The following UBR3 variants were observed in gnomAD, a reference collection of about 807,000 sequenced individuals.
The protein encoded by UBR3 is E3 ubiquitin-protein ligase UBR3.
Under a neutral mutation model 243.2 loss-of-function variants are expected in UBR3, and 85 were observed. The observed-to-expected ratio is 0.35, with a 90% CI of 0.29 to 0.42. The LOEUF (loss-of-function observed/expected upper bound fraction) is 0.42, where lower values mean the gene tolerates loss of function less well. Ranked by LOEUF, UBR3 falls within the 10% of genes least tolerant of loss-of-function variation. The pLI is 1.00. For missense variants in UBR3, 1,686 were observed against 2,300.8 expected, an observed-to-expected ratio of 0.73 and a Z score of 5.47; for synonymous variants, 748 against 799.8, an observed-to-expected ratio of 0.94 and a Z score of 1.09.
chr2:169,958,485 C>T lies in UBR3; in HGVS notation c.3593C>T (p.Ala1198Val). Residue 1198 changes from alanine to valine, a missense_variant, in exon 24 of 39, where the codon GCT (alanine) becomes GTT (valine). Ala to Val is a moderately conservative substitution (Grantham distance 64, BLOSUM62 0). This residue lies in a region of UBR3 where 156 missense variants were observed against 246.3 expected (regional missense o/e 0.63). Coordinates refer to ENST00000272793, the MANE Select transcript of UBR3 (RefSeq NM_172070.4). ...ERQQKLLAEF[A>V]SRQKSFMETA... Reference sequence around the variant, plus strand: ...CAGCAGAAATTGCTTGCGGAGTTTGCTTCACGACAGAAAAGCTTTATGGAA... The same window carrying T: ...CAGCAGAAATTGCTTGCGGAGTTTGTTTCACGACAGAAAAGCTTTATGGAA... 6.2e-7 allele frequency: 1 copy of T among 1,613,092 alleles called. No homozygotes were observed. Among genetic ancestry groups the T allele is most frequent in the Non-Finnish European group, 8.5e-7 (1 of 1,179,358 alleles).
At position 170,061,328 on chromosome 2, in the gene UBR3, T is replaced by G; in HGVS notation, c.4904T>G (p.Ile1635Ser). The change falls in exon 35 of 39, where the codon ATT (isoleucine) becomes AGT (serine). Residue 1635 changes from isoleucine to serine, a missense_variant. Transcript: ENST00000272793. ...GTQECAMVNP[I>S]AWSPESMEKC... is the part of the protein sequence containing the mutation. ...CTTTTTTAACTTTAGGTTAACCCTATTGCTTGGTCTCCTGAATCCATGGAA... is the reference window on the plus strand; with the variant it reads ...CTTTTTTAACTTTAGGTTAACCCTAGTGCTTGGTCTCCTGAATCCATGGAA... 1 of 1,614,100 alleles carries G rather than the reference T, an allele frequency of 6.2e-7. No individual in the cohort carries two copies. The highest frequency in any genetic ancestry group is 8.5e-7 in the Non-Finnish European group (1 of 1,179,998).
chr2:169,848,002 C>T, intron 1 of UBR3, among the ~76,000 whole-genome samples: 1 of 152,286 alleles, frequency 6.6e-6, no homozygotes, highest in East Asian at 1.9e-4. Flanking sequence ...CATTGATTTT[C>T]CTAGATGCTT....
intron 8 of UBR3, among the ~76,000 whole-genome samples, chr2:169,904,231 C>T (rs1336158020): frequency 5.3e-5 from 8 of 152,042 alleles, no homozygotes; most frequent in Admixed American, 4.6e-4. Flanking sequence ...AGTTCATATA[C>T]TTTTGATCTA....
chr2:169,844,315 T>C (rs2082395213), intron 1 of UBR3, among the ~76,000 whole-genome samples: 2 of 152,196 alleles, frequency 1.3e-5, no homozygotes, highest in Non-Finnish European at 2.9e-5. Flanking sequence ...TCGATTTCTT[T>C]AGTGACCTGT....
At chr2:169,828,160 C>CG (rs1198682259) in intron 1 of UBR3, 108 bp downstream of exon 1, 1 of 708,882 alleles carries the variant, frequency 1.4e-6, no homozygotes, top group Non-Finnish European at 1.7e-6. Context: ...GGGGAGGGTG[C>CG]GGGGGAGGGT....
intron 23 of UBR3, among the ~76,000 whole-genome samples, chr2:169,954,793 T>A (rs2087202406): frequency 6.6e-6 from 1 of 152,134 alleles, no homozygotes; most frequent in African/African-American, 2.4e-5. Context: ...CAGGCTGGTC[T>A]TGAACTCCTG....
intron 8 of UBR3, among the ~76,000 whole-genome samples, chr2:169,899,919 G>A (rs1435675231): frequency 6.6e-6 from 1 of 152,018 alleles, no homozygotes; most frequent in Non-Finnish European, 1.5e-5. Context: ...ATTTGGGTTG[G>A]TTCCAAGTCT....
intron 30 of UBR3, among the ~76,000 whole-genome samples, chr2:170,018,057 A>G (rs2090296154): frequency 6.6e-6 from 1 of 152,172 alleles, no homozygotes; most frequent in Non-Finnish European, 1.5e-5. Flanking sequence ...TATATAAGAC[A>G]TATCTCCTGC....
chr2:170,028,298 C>G (rs1292000460), intron 30 of UBR3, among the ~76,000 whole-genome samples: 9 of 151,776 alleles, frequency 5.9e-5, no homozygotes, highest in Admixed American at 5.9e-4. Flanking sequence ...ACACCCCATA[C>G]TACCCCATTT....
chr2:169,942,356 T>G, intron 19 of UBR3, 137 bp from the exon 20 acceptor site: 3 of 814,290 alleles, frequency 3.7e-6, no homozygotes, highest in Non-Finnish European at 5.6e-6. Context: ...AGATACCTCT[T>G]TGGCATTTTA....
In UBR3 at chr2:169,828,071, G is replaced by T. The variant is rs1031264352; in HGVS notation, c.545+19G>T. ...AGAGCGGGTGAGTGGAGCCCTCCCCGCGGGCGAGGCGACCCTGGGCCGGGG... is the reference window on the plus strand; with the variant it reads ...AGAGCGGGTGAGTGGAGCCCTCCCCTCGGGCGAGGCGACCCTGGGCCGGGG... On this transcript the variant is annotated intron_variant, in intron 1 of 38. Transcript: ENST00000272793. 9.6e-6 allele frequency: 13 copies of T among 1,357,954 alleles called. No homozygotes were observed. The African/African-American group carries it at 1.8e-4, about 19-fold the overall frequency. The allele number at this position is 1,357,954 out of a possible 1,614,324, so 84.1% of individuals were successfully genotyped here. A position where few individuals can be genotyped will look rare whatever the true frequency, so the allele number is the denominator to read the frequency against.
chr2:169,999,250 A>G (rs1420005582), intron 26 of UBR3, among the ~76,000 whole-genome samples: 1 of 152,208 alleles, frequency 6.6e-6, no homozygotes, highest in Admixed American at 6.5e-5. Flanking sequence ...TTCTATTTCA[A>G]GCAGCTCCAA....
chr2:169,970,019 ATC>A (rs2088031627), intron 24 of UBR3, among the ~76,000 whole-genome samples: 1 of 102,008 alleles, frequency 9.8e-6, no homozygotes, highest in Admixed American at 1.1e-4. Context: ...GAATTTTTCT[ATC>A]TCTTTTTCTA....
At chr2:169,956,398 G>T (rs1478668314) in intron 23 of UBR3, among the ~76,000 whole-genome samples, 1 of 151,714 alleles carries the variant, frequency 6.6e-6, no homozygotes, top group African/African-American at 2.4e-5. Flanking sequence ...GTGCCAGGTT[G>T]TCGAGTCCTG....
intron 18 of UBR3, among the ~76,000 whole-genome samples, chr2:169,930,447 C>T (rs913547568): frequency 8.6e-5 from 13 of 151,526 alleles, no homozygotes; most frequent in South Asian, 2.1e-4. Context: ...AGTGCAGTGG[C>T]GCCATCATAG....
At chr2:170,077,217 A>C (rs1314181217) in intron 36 of UBR3, 1 of 705,986 alleles carries the variant, frequency 1.4e-6, no homozygotes. Flanking sequence ...TATCTATGAA[A>C]GTGCTGTCAG....
chr2:169,934,286 T>C (rs2105351340), intron 19 of UBR3, among the ~76,000 whole-genome samples: 1 of 152,332 alleles, frequency 6.6e-6, no homozygotes, highest in East Asian at 1.9e-4. Flanking sequence ...TCTGCCTTTT[T>C]TTCAGGGTAG....
intron 24 of UBR3, among the ~76,000 whole-genome samples, chr2:169,973,520 A>G (rs1012260797): frequency 6.6e-6 from 1 of 152,216 alleles, no homozygotes; most frequent in Non-Finnish European, 1.5e-5. Flanking sequence ...AAACTATACT[A>G]GAAACACTAC....
At chr2:170,076,721 T>A (rs2091818167) in intron 36 of UBR3, among the ~76,000 whole-genome samples, 1 of 152,220 alleles carries the variant, frequency 6.6e-6, no homozygotes, top group African/African-American at 2.4e-5. Context: ...CCTCAACGGA[T>A]GATTGGATTT....
Sources: allele counts gnomAD v4.1 joint callset (sites outside exome capture counted in the v4.1 genomes callset), GRCh38; gene constraint gnomAD v4.1.1; regional missense constraint gnomAD v4.1.1; transcripts MANE v1.5; gene names NCBI Gene and HGNC (gene_info 2026-07-23, HGNC 2026-07-21).